Variants in TYW1B observed in about 807,000 individuals in gnomAD.
The protein encoded by TYW1B is tRNA-yW synthesizing protein 1 homolog B.
A neutral mutation model predicts 86.9 loss-of-function variants in TYW1B; 73 were observed. The ratio of observed to expected loss-of-function variants is 0.84; its 90% confidence interval spans 0.70 to 1.02. The LOEUF is 1.02. Ranked by LOEUF, TYW1B falls within the 50% of genes least tolerant of loss-of-function variation. The pLI is 0.00. For synonymous variants in TYW1B, 248 were observed against 292.8 expected, an observed-to-expected ratio of 0.85 and a Z score of 1.56; for missense variants, 637 against 827.4, an observed-to-expected ratio of 0.77 and a Z score of 2.82.
At chr7:72,826,614 A>G (rs1333783794) in intron 2 of TYW1B, among the ~76,000 whole-genome samples, 1 of 152,224 alleles carries the variant, frequency 6.6e-6, no homozygotes, top group African/African-American at 2.4e-5. Context: ...TAAAAGGTTC[A>G]CTTTTCATTA....
intron 10 of TYW1B, among the ~76,000 whole-genome samples, chr7:72,698,327 G>C (rs773976339): frequency 6.6e-6 from 1 of 152,140 alleles, no homozygotes; most frequent in Non-Finnish European, 1.5e-5. Flanking sequence ...AAAAGGTTAA[G>C]TAACATGTGC....
intron 13 of TYW1B, among the ~76,000 whole-genome samples, chr7:72,588,392 G>C (rs1393725929): frequency 2.0e-5 from 3 of 152,184 alleles, no homozygotes; most frequent in African/African-American, 2.4e-5. Context: ...CTCTGATGAG[G>C]GTGAGTTCCA....
At chr7:72,764,116 T>C (rs187577392) in intron 7 of TYW1B, among the ~76,000 whole-genome samples, 2 of 152,152 alleles carry the variant, frequency 1.3e-5, no homozygotes, top group Non-Finnish European at 2.9e-5. Flanking sequence ...CTTAAAATAC[T>C]GCATGTAAGA....
At chr7:72,774,960 T>C (rs1787930708) in intron 7 of TYW1B, among the ~76,000 whole-genome samples, 1 of 151,914 alleles carries the variant, frequency 6.6e-6, no homozygotes, top group South Asian at 2.1e-4. Context: ...GTAACAGATG[T>C]GGAAAATATA....
At chr7:72,718,868 G>T (rs565262606) in intron 9 of TYW1B, among the ~76,000 whole-genome samples, 1 of 152,160 alleles carries the variant, frequency 6.6e-6, no homozygotes, top group South Asian at 2.1e-4. Flanking sequence ...AAGGAGCATC[G>T]GCTAGGCCCT....
chr7:72,590,363 T>C (rs1486001121), intron 13 of TYW1B, among the ~76,000 whole-genome samples: 1 of 152,168 alleles, frequency 6.6e-6, no homozygotes, highest in Non-Finnish European at 1.5e-5. Flanking sequence ...AGGATCTGTG[T>C]TCTTGTCATG....
chr7:72,751,476 G>A (rs1251359781), intron 7 of TYW1B, among the ~76,000 whole-genome samples: 12 of 152,106 alleles, frequency 7.9e-5, no homozygotes, highest in South Asian at 2.1e-4. Context: ...CTTACTGTAC[G>A]TCTCAATTTT....
intron 13 of TYW1B, among the ~76,000 whole-genome samples, chr7:72,596,522 A>G (rs1472270424): frequency 6.6e-6 from 1 of 152,206 alleles, no homozygotes; most frequent in African/African-American, 2.4e-5. Flanking sequence ...GGGTGCCAAG[A>G]CTACTCAATG....
chr7:72,765,629 C>G (rs879963236), intron 7 of TYW1B, among the ~76,000 whole-genome samples: 1 of 152,130 alleles, frequency 6.6e-6, no homozygotes, highest in Non-Finnish European at 1.5e-5. Context: ...CCACACCCAT[C>G]TAACTTTTGT....
chr7:72,598,032 T>C (rs1384131286), intron 13 of TYW1B, among the ~76,000 whole-genome samples: 5 of 135,466 alleles, frequency 3.7e-5, no homozygotes, highest in Non-Finnish European at 6.5e-5. Context: ...AGTGTCAACT[T>C]TGATTGTATT....
rs1452098358 is a variant in TYW1B at position 72,632,398 on chromosome 7, ATAAT to A, written c.1507-3405_1507-3402del. ...ATATTATATATATACGTATATATAT[ATAAT>A]ATATATATACATATATATATAAAAT... On this transcript the variant is annotated intron_variant, in intron 11 of 13. Coordinates refer to ENST00000620995, the MANE Select transcript of TYW1B (RefSeq NM_001145440.3). Among the ~76,000 whole-genome samples the A allele has an allele frequency of 8.6e-4, 87 of 100,778 alleles. 3 individuals carry two copies. Among genetic ancestry groups the A allele is most frequent in the African/African-American group, 2.7e-3 (48 of 17,480 alleles). 66.1% of individuals were successfully genotyped at this position (100,778 alleles called of 152,430 possible). A position where few individuals can be genotyped will look rare whatever the true frequency, so the allele number is the denominator to read the frequency against.
chr7:72,738,137 G>C (rs1787233348), intron 8 of TYW1B, among the ~76,000 whole-genome samples: 1 of 143,704 alleles, frequency 7.0e-6, no homozygotes, highest in African/African-American at 2.6e-5. Context: ...CTGGAGTGCA[G>C]TGGCGTGATC....
chr7:72,592,891 T>C (rs1465308908), intron 13 of TYW1B, among the ~76,000 whole-genome samples: 1 of 152,158 alleles, frequency 6.6e-6, no homozygotes, highest in Non-Finnish European at 1.5e-5. Flanking sequence ...AATCAACATA[T>C]ACAAAGCAGA....
At chr7:72,702,875 A>T (rs1382278896) in intron 10 of TYW1B, among the ~76,000 whole-genome samples, 3 of 151,622 alleles carry the variant, frequency 2.0e-5, no homozygotes, top group Non-Finnish European at 4.4e-5. Context: ...CAGTATTCTC[A>T]TTGTTTTCAC....
At chr7:72,658,326 GA>G (rs1431161525) in intron 11 of TYW1B, among the ~76,000 whole-genome samples, 1 of 151,004 alleles carries the variant, frequency 6.6e-6, no homozygotes, top group Non-Finnish European at 1.5e-5. Flanking sequence ...ATTTAACACT[GA>G]GGTAAAACTG....
intron 13 of TYW1B, among the ~76,000 whole-genome samples, chr7:72,580,209 G>A (rs545300209): frequency 2.6e-5 from 4 of 152,084 alleles, no homozygotes; most frequent in Admixed American, 6.6e-5. Flanking sequence ...CAGGGCAATC[G>A]GAGACGAATC....
chr7:72,673,373 A>C (rs1411500255), intron 11 of TYW1B, among the ~76,000 whole-genome samples: 1 of 152,232 alleles, frequency 6.6e-6, no homozygotes, highest in Non-Finnish European at 1.5e-5. Flanking sequence ...AGATGAATGG[A>C]TAAAGAAAAT....
chr7:72,772,808 G>A (rs1787890411), intron 7 of TYW1B, among the ~76,000 whole-genome samples: 1 of 152,156 alleles, frequency 6.6e-6, no homozygotes, highest in African/African-American at 2.4e-5. Context: ...AGCATAAGTG[G>A]ATCAGTGGCT....
rs35480783 is a variant in TYW1B, at chr7:72,774,062, CAA to C, written c.964+3352_964+3353del. Among the ~76,000 whole-genome samples, 81 of 54,824 alleles carry C rather than the reference CAA, an allele frequency of 1.5e-3. 1 individual carries two copies. The highest frequency in any genetic ancestry group is 2.6e-3 in the East Asian group (7 of 2,664). 36.0% of individuals were successfully genotyped at this position (54,824 alleles called of 152,430 possible). On this transcript the variant is annotated intron_variant, in intron 7 of 13. Coordinates refer to ENST00000620995, the MANE Select transcript of TYW1B (RefSeq NM_001145440.3). ...GGGCAACAAGAGTGAAACTCCATCT[CAA>C]AAAAAAAAAAAAAAAAAGAAACAAA...
Sources: allele counts gnomAD v4.1 joint callset (sites outside exome capture counted in the v4.1 genomes callset), GRCh38; gene constraint gnomAD v4.1.1; transcripts MANE v1.5; gene names NCBI Gene and HGNC (gene_info 2026-07-23, HGNC 2026-07-21).